Variants in TUBB3 observed in about 807,000 individuals in gnomAD.
TUBB3 encodes tubulin beta 3 class III.
In TUBB3, 17 loss-of-function variants were observed where a neutral mutation model predicts 37.8. The observed-to-expected ratio is 0.45, with a 90% CI of 0.31 to 0.67. TUBB3 has a LOEUF of 0.67. Ranked by LOEUF, TUBB3 falls within the 30% of genes least tolerant of loss-of-function variation. The pLI is 0.07. For missense variants in TUBB3, 262 were observed against 657.9 expected (o/e 0.40, Z 6.58); for synonymous variants, 332 against 278.9 (o/e 1.19, Z -1.90).
At chr16:89,932,491 G>T (rs541181271) in intron 1 of TUBB3, 80 bp from the exon 2 acceptor site, 1,713 of 1,212,108 alleles carry the variant, frequency 1.4e-3, no homozygotes, top group Non-Finnish European at 1.9e-3. Flanking sequence ...TGTAGTGAGG[G>T]CTAAAAGGCT....
At chr16:89,932,430 G>A (rs1320011559) in intron 1 of TUBB3, 141 bp from the exon 2 acceptor site, 2 of 696,026 alleles carry the variant, frequency 2.9e-6, no homozygotes, top group East Asian at 5.4e-5. Flanking sequence ...AGAGTGTGGG[G>A]CTCTCTTCTG....
chr16:89,931,370 AG>A (rs2030272168), intron 1 of TUBB3, among the ~76,000 whole-genome samples: 1 of 152,228 alleles, frequency 6.6e-6, no homozygotes, highest in African/African-American at 2.4e-5. Flanking sequence ...CTCATCTAAA[AG>A]TCACTCCTGA....
chr16:89,923,504 A>C, intron 1 of TUBB3, 46 bp downstream of exon 1: 1 of 1,378,510 alleles, frequency 7.3e-7, no homozygotes, highest in Non-Finnish European at 9.4e-7. Flanking sequence ...GGGCGGGAGG[A>C]GGGAGGCGCC....
At chr16:89,924,945 G>T (rs994549777) in intron 1 of TUBB3, among the ~76,000 whole-genome samples, 1 of 151,834 alleles carries the variant, frequency 6.6e-6, no homozygotes, top group East Asian at 1.9e-4. Context: ...GGGGTCGCTG[G>T]GGGGAGGGAG....
chr16:89,933,200 G>T, intron 2 of TUBB3: 1 of 672,816 alleles, frequency 1.5e-6, no homozygotes, highest in Non-Finnish European at 2.7e-6. Context: ...AGTGTTGGGA[G>T]TGCAGACACG....
At chr16:89,928,766 C>T (rs28877970) in intron 1 of TUBB3, among the ~76,000 whole-genome samples, 5,645 of 152,012 alleles carry the variant, frequency 0.037, 359 homozygotes, top group African/African-American at 0.13. Flanking sequence ...CCTCATGATC[C>T]GCCCACCTCG....
chr16:89,926,012 C>T (rs1270152385), intron 1 of TUBB3, among the ~76,000 whole-genome samples: 1 of 151,866 alleles, frequency 6.6e-6, no homozygotes, highest in Admixed American at 6.5e-5. Flanking sequence ...ACCCGAAGCC[C>T]GGAAAGCCGA....
upstream of TUBB3, chr16:89,922,264 A>AT: frequency 6.6e-6 from 1 of 152,414 alleles, no homozygotes; most frequent in East Asian, 1.9e-4. Context: ...GCAGCTGCTC[A>AT]TTTTGTGAAG....
intron 2 of TUBB3, 52 bp downstream of exon 2, chr16:89,932,731 A>G (rs1244664035): frequency 1.4e-6 from 2 of 1,449,436 alleles, no homozygotes. Context: ...ACCAGGTCTC[A>G]GCGTCTGACT....
At chr16:89,934,187 GGCC>G in intron 3 of TUBB3, 1 of 349,280 alleles carries the variant, frequency 2.9e-6, no homozygotes, top group African/African-American at 2.5e-5. Flanking sequence ...CCTGGGGCGG[GGCC>G]GTGGATGCCA....
At position 89,935,423 on chromosome 16, in the gene TUBB3, G is replaced by A. The variant is rs767365635; in HGVS notation, c.972G>A (p.Lys324=). The A allele has an allele frequency of 1.9e-6, 3 of 1,614,232 alleles. No homozygotes were observed. The highest frequency in any genetic ancestry group is 2.5e-6 in the Non-Finnish European group (3 of 1,180,050). Residue 324 remains lysine (K), a synonymous_variant, in exon 4 of 4, where the codon AAG becomes AAA. Coordinates refer to ENST00000315491, the MANE Select transcript of TUBB3 (RefSeq NM_006086.4). The stretch of plus-strand genomic sequence containing the variant: ...TGTTCCGGGGCCGCATGTCCATGAA[G>A]GAGGTGGACGAGCAGATGCTGGCCA... The part of the protein sequence containing the change: ...ATVFRGRMSM[K]EVDEQMLAIQ...
chr16:89,934,485 C>T, intron 3 of TUBB3: 1 of 635,264 alleles, frequency 1.6e-6, no homozygotes, highest in Non-Finnish European at 2.9e-6. Context: ...GAGGCAGAGC[C>T]TCGCTCTGCT....
intron 1 of TUBB3, among the ~76,000 whole-genome samples, 175 bp from the exon 2 acceptor site, chr16:89,932,396 T>C (rs753225228): frequency 6.4e-4 from 97 of 152,280 alleles, no homozygotes; most frequent in Admixed American, 8.5e-4. Flanking sequence ...GCATATTTAT[T>C]ATGGCAATTT....
At chr16:89,924,009 G>T (rs957473010) in intron 1 of TUBB3, among the ~76,000 whole-genome samples, 1 of 152,188 alleles carries the variant, frequency 6.6e-6, no homozygotes, top group African/African-American at 2.4e-5. Flanking sequence ...TGTTGGAGGG[G>T]TTGGGCCTGG....
In TUBB3 at chr16:89,923,396, C is replaced by G; in HGVS notation, c.-6C>G. The G allele has an allele frequency of 6.7e-7, 1 of 1,488,382 alleles. No individual in the cohort carries two copies. Among genetic ancestry groups the G allele is most frequent in the Middle Eastern group, 2.4e-4 (1 of 4,114 alleles). 92.2% of individuals were successfully genotyped at this position (1,488,382 alleles called of 1,614,324 possible). ...CGTCCGCAGCCGCCCGCCAGACGCG[C>G]CCAGTATGAGGGAGATCGTGCACAT... is the stretch of plus-strand genomic sequence containing the variant. On this transcript the variant is annotated 5_prime_UTR_variant, in exon 1 of 4. Transcript: ENST00000315491.
At chr16:89,926,558 T>A (rs922599045) in intron 1 of TUBB3, among the ~76,000 whole-genome samples, 2 of 152,210 alleles carry the variant, frequency 1.3e-5, no homozygotes, top group African/African-American at 4.8e-5. Flanking sequence ...CGCCGGGTTC[T>A]GCTTTGTGTT....
At position 89,933,584 on chromosome 16, in the gene TUBB3, T is replaced by C. The variant is rs746488710; in HGVS notation, c.277+6T>C. 6.2e-6 allele frequency: 10 copies of C among 1,609,288 alleles called. No individual in the cohort carries two copies. Among genetic ancestry groups the C allele is most frequent in the South Asian group, 5.5e-5 (5 of 90,970 alleles). ...GCCTGACAATTTCATCTTTGGTAAG[T>C]TCCCCCTGCTCCAAGCTCTGATGGC... On this transcript the variant is annotated splice_donor_region_variant and intron_variant, in intron 3 of 3. Transcript: ENST00000315491.
chr16:89,934,061 C>T (rs1481977321), intron 3 of TUBB3: 1 of 366,062 alleles, frequency 2.7e-6, no homozygotes, highest in Non-Finnish European at 4.8e-6. Context: ...TGTCCTGGGG[C>T]GGGGCCGTGG....
Position 89,933,153 on chromosome 16 carries a change from C to T in TUBB3, c.167-315C>T, listed in dbSNP as rs781654645. On this transcript the variant is annotated intron_variant, in intron 2 of 3. Transcript: ENST00000315491. ...ATGTTGCCCAGGCTGGTCTCGAACT[C>T]CTGGACTCAAGCGATCCACCTGCCT... is the stretch of plus-strand genomic sequence containing the variant. 1.3e-5 allele frequency: 8 copies of T among 635,390 alleles called. No homozygotes were observed. The East Asian group carries it at 1.3e-4, about 10-fold the overall frequency. The allele number at this position is 635,390 out of a possible 1,614,324, so 39.4% of individuals were successfully genotyped here.
Sources: allele counts gnomAD v4.1 joint callset (sites outside exome capture counted in the v4.1 genomes callset), GRCh38; gene constraint gnomAD v4.1.1; transcripts MANE v1.5; gene names NCBI Gene and HGNC (gene_info 2026-07-23, HGNC 2026-07-21).